The following ZNRF1 variants were observed in gnomAD, a reference collection of about 807,000 sequenced individuals.
ZNRF1 encodes zinc and ring finger 1.
Under a neutral mutation model 18.4 loss-of-function variants are expected in ZNRF1, and 3 were observed. That is an observed-to-expected ratio of 0.16 (90% CI 0.07 to 0.42). ZNRF1 has a LOEUF of 0.42. Among genes scored for constraint, ZNRF1 ranks in the 10% least tolerant of loss-of-function variants. ZNRF1 has a pLI of 0.99. For synonymous variants in ZNRF1, 157 were observed against 144.2 expected (o/e 1.09, Z -0.64); for missense variants, 310 against 329.8 (o/e 0.94, Z 0.47).
intron 1 of ZNRF1, among the ~76,000 whole-genome samples, chr16:75,051,065 G>A (rs990216900): frequency 9.4e-5 from 14 of 149,058 alleles, no homozygotes; most frequent in Admixed American, 5.4e-4. Flanking sequence ...CCTGGGTGTC[G>A]TGGCACATGC....
chr16:75,010,281 C>T (rs1248787248), intron 1 of ZNRF1, among the ~76,000 whole-genome samples: 1 of 152,166 alleles, frequency 6.6e-6, no homozygotes, highest in African/African-American at 2.4e-5. Context: ...CCACACCCGG[C>T]CTGGGTTGCT....
intron 1 of ZNRF1, among the ~76,000 whole-genome samples, chr16:75,092,149 A>T (rs893150203): frequency 1.5e-4 from 23 of 152,164 alleles, no homozygotes; most frequent in South Asian, 2.1e-4. Flanking sequence ...TAAGAAAAAA[A>T]TTTTTAATAA....
At chr16:75,023,774 A>G (rs1211089629) in intron 1 of ZNRF1, among the ~76,000 whole-genome samples, 2 of 151,562 alleles carry the variant, frequency 1.3e-5, no homozygotes, top group African/African-American at 2.4e-5. Context: ...CTGACCCCCA[A>G]CCTTTTTCTT....
At chr16:75,033,262 C>CA (rs56265355) in intron 1 of ZNRF1, among the ~76,000 whole-genome samples, 4,042 of 81,492 alleles carry the variant, frequency 0.05, 161 homozygotes, top group African/African-American at 0.13. Context: ...TTTATTTCTA[C>CA]AAAAAAAAAA....
At chr16:75,034,462 C>G (rs929544364) in intron 1 of ZNRF1, among the ~76,000 whole-genome samples, 3 of 152,156 alleles carry the variant, frequency 2.0e-5, no homozygotes, top group Non-Finnish European at 4.4e-5. Flanking sequence ...GAGCAAATGT[C>G]AGAATTTACT....
intron 1 of ZNRF1, among the ~76,000 whole-genome samples, chr16:75,042,022 A>G (rs1424623601): frequency 6.6e-6 from 1 of 152,176 alleles, no homozygotes; most frequent in Admixed American, 6.5e-5. Context: ...AATTATTTTA[A>G]TAGAGCAGTT....
At chr16:75,086,547 G>A (rs1419837749) in intron 1 of ZNRF1, among the ~76,000 whole-genome samples, 5 of 152,230 alleles carry the variant, frequency 3.3e-5, no homozygotes, top group African/African-American at 9.6e-5. Context: ...CAGAGAGGGA[G>A]TCTGTGTCTT....
At chr16:75,014,313 A>G (rs1007298786) in intron 1 of ZNRF1, among the ~76,000 whole-genome samples, 2 of 152,014 alleles carry the variant, frequency 1.3e-5, no homozygotes, top group African/African-American at 4.8e-5. Context: ...TTCCCGCCAT[A>G]TATGTTCATG....
intron 1 of ZNRF1, among the ~76,000 whole-genome samples, chr16:75,085,209 A>C (rs1350852252): frequency 6.6e-6 from 1 of 152,146 alleles, no homozygotes; most frequent in Non-Finnish European, 1.5e-5. Context: ...CCCCCACCCT[A>C]ACCCCTGGAG....
At chr16:75,020,739 T>C (rs951262058) in intron 1 of ZNRF1, among the ~76,000 whole-genome samples, 4 of 152,126 alleles carry the variant, frequency 2.6e-5, no homozygotes, top group African/African-American at 7.2e-5. Flanking sequence ...AGACAAGGTT[T>C]CACCGTGTTA....
chr16:75,051,406 C>T (rs1192447327), intron 1 of ZNRF1, among the ~76,000 whole-genome samples: 1 of 151,834 alleles, frequency 6.6e-6, no homozygotes, highest in East Asian at 1.9e-4. Flanking sequence ...AAAGGGTTTC[C>T]TCATGGTGGC....
chr16:75,000,344 C>T, intron 1 of ZNRF1: 1 of 683,484 alleles, frequency 1.5e-6, no homozygotes, highest in Non-Finnish European at 2.7e-6. Context: ...GCGAAGCCTA[C>T]CTATTGGAGT....
chr16:75,034,990 A>G (rs1289019288), intron 1 of ZNRF1, among the ~76,000 whole-genome samples: 1 of 151,962 alleles, frequency 6.6e-6, no homozygotes, highest in Non-Finnish European at 1.5e-5. Flanking sequence ...TGGTAATTTT[A>G]TTTTAAAATT....
intron 1 of ZNRF1, among the ~76,000 whole-genome samples, chr16:75,032,023 A>G (rs2035311694): frequency 1.3e-5 from 2 of 151,198 alleles, no homozygotes; most frequent in Admixed American, 1.3e-4. Flanking sequence ...TGTCTATTTG[A>G]TAATAGCAGT....
intron 1 of ZNRF1, among the ~76,000 whole-genome samples, chr16:75,040,572 C>CAA (rs2035431052): frequency 6.7e-6 from 1 of 148,552 alleles, no homozygotes; most frequent in South Asian, 2.1e-4. Context: ...CTTCACTCAC[C>CAA]ATGTTTTTGT....
intron 1 of ZNRF1, among the ~76,000 whole-genome samples, chr16:75,064,040 G>A (rs2035773210): frequency 3.9e-5 from 6 of 152,158 alleles, no homozygotes; most frequent in Admixed American, 3.9e-4. Flanking sequence ...GCTCACGCCT[G>A]TAAATCCCAG....
chr16:75,106,760 A>G, intron 4 of ZNRF1, 189 bp downstream of exon 4: 1 of 564,572 alleles, frequency 1.8e-6, no homozygotes, highest in Non-Finnish European at 3.2e-6. Context: ...AAGAGATACA[A>G]ACCAACATGG....
In ZNRF1 at chr16:75,108,584, GTATT is replaced by G. The variant is rs1279222863; in HGVS notation, c.*888_*891del. On this transcript the variant is annotated 3_prime_UTR_variant, in exon 5 of 5. Transcript: ENST00000335325. Reference sequence around the variant, plus strand: ...ATCAGCCCATGCAAGATAGGTTTCTGTATTTATATATTAAAATACAAAAAAAAAC... The same window carrying G: ...ATCAGCCCATGCAAGATAGGTTTCTGTATATATTAAAATACAAAAAAAAAC... 2.5e-6 allele frequency: 1 copy of G among 398,400 alleles called. No individual in the cohort carries two copies. Among genetic ancestry groups the G allele is most frequent in the African/African-American group, 2.1e-5 (1 of 48,522 alleles). 24.7% of individuals were successfully genotyped at this position (398,400 alleles called of 1,614,324 possible).
intron 1 of ZNRF1, among the ~76,000 whole-genome samples, chr16:75,010,653 A>G (rs1003364242): frequency 4.7e-5 from 7 of 149,222 alleles, no homozygotes; most frequent in African/African-American, 1.5e-4. Context: ...TAATTAATCC[A>G]TACTTCATAA....
Sources: allele counts gnomAD v4.1 joint callset (sites outside exome capture counted in the v4.1 genomes callset), GRCh38; gene constraint gnomAD v4.1.1; transcripts MANE v1.5; gene names NCBI Gene and HGNC (gene_info 2026-07-23, HGNC 2026-07-21).